The following PAK1 variants were observed in gnomAD, a reference collection of about 807,000 sequenced individuals.
PAK1 encodes p21 (RAC1) activated kinase 1.
In PAK1, 29 loss-of-function variants were observed where a neutral mutation model predicts 67.4. The ratio of observed to expected loss-of-function variants is 0.43; its 90% confidence interval spans 0.32 to 0.59. PAK1 has a LOEUF of 0.59. Among genes scored for constraint, PAK1 ranks in the 20% least tolerant of loss-of-function variants. The probability of loss-of-function intolerance (pLI) is 0.07; values close to 1 mark genes in which losing one functional copy is unlikely to be tolerated. For synonymous variants in PAK1, 223 were observed against 237.4 expected, an observed-to-expected ratio of 0.94 and a Z score of 0.56; for missense variants, 337 against 670.7, an observed-to-expected ratio of 0.50 and a Z score of 5.50.
At chr11:77,446,567 G>C (rs11237187) in intron 1 of PAK1, among the ~76,000 whole-genome samples, 1 of 143,490 alleles carries the variant, frequency 7.0e-6, no homozygotes, top group Non-Finnish European at 1.5e-5. Flanking sequence ...ATAGTTAATA[G>C]ATGATGGAGC....
chr11:77,359,420 C>T (rs1946476765), intron 5 of PAK1, among the ~76,000 whole-genome samples: 1 of 152,152 alleles, frequency 6.6e-6, no homozygotes, highest in African/African-American at 2.4e-5. Flanking sequence ...TCTAATTTTT[C>T]AAAATTCATC....
chr11:77,507,846 A>C, the PAK1 span, among the ~76,000 whole-genome samples: 6 of 152,072 alleles, frequency 3.9e-5, no homozygotes, highest in Non-Finnish European at 5.9e-5. Context: ...CCTTTTACCA[A>C]ACTTTTTTTA....
chr11:77,458,355 T>C (rs889173764), intron 1 of PAK1, among the ~76,000 whole-genome samples: 2 of 152,200 alleles, frequency 1.3e-5, no homozygotes, highest in African/African-American at 4.8e-5. Flanking sequence ...ATTCAAGAGC[T>C]TCATCAATTT....
intron 5 of PAK1, among the ~76,000 whole-genome samples, chr11:77,372,655 T>C (rs902214619): frequency 6.6e-6 from 1 of 152,184 alleles, no homozygotes; most frequent in African/African-American, 2.4e-5. Context: ...GTCAAACTCC[T>C]ACATGATCTG....
At chr11:77,406,281 T>G (rs1953551860) in intron 1 of PAK1, among the ~76,000 whole-genome samples, 1 of 152,214 alleles carries the variant, frequency 6.6e-6, no homozygotes. Flanking sequence ...CCACCTGCGT[T>G]TCTCATCAGT....
At chr11:77,510,536 C>T in the PAK1 span, among the ~76,000 whole-genome samples, 2 of 152,046 alleles carry the variant, frequency 1.3e-5, no homozygotes, top group African/African-American at 4.8e-5. Context: ...CCGCACCTGG[C>T]CAGCTGTTTA....
chr11:77,457,072 G>A (rs113173770), intron 1 of PAK1, among the ~76,000 whole-genome samples: 4,868 of 152,188 alleles, frequency 0.032, 132 homozygotes, highest in African/African-American at 0.074. Flanking sequence ...ACCATTTCAC[G>A]TATAAGGAAA....
the PAK1 span, chr11:77,515,085 A>G: frequency 8.5e-5 from 13 of 152,214 alleles, no homozygotes; most frequent in African/African-American, 2.7e-4. Flanking sequence ...TTTAGAGAAA[A>G]GTCTTTCCAA....
At chr11:77,368,769 G>A (rs957530720) in intron 5 of PAK1, among the ~76,000 whole-genome samples, 1 of 152,074 alleles carries the variant, frequency 6.6e-6, no homozygotes, top group Admixed American at 6.6e-5. Flanking sequence ...TGATTCTTTT[G>A]CCTCGGCCTC....
chr11:77,434,131 T>C (rs893796849), intron 1 of PAK1, among the ~76,000 whole-genome samples: 1 of 152,128 alleles, frequency 6.6e-6, no homozygotes, highest in Non-Finnish European at 1.5e-5. Context: ...GCAATTCTAC[T>C]CCTAAATATA....
At chr11:77,528,052 T>C in the PAK1 span, among the ~76,000 whole-genome samples, 1 of 152,122 alleles carries the variant, frequency 6.6e-6, no homozygotes, top group African/African-American at 2.4e-5. Flanking sequence ...AATCTCACTA[T>C]TCTGCTTAGG....
At chr11:77,482,020 G>T in the PAK1 span, among the ~76,000 whole-genome samples, 3 of 151,432 alleles carry the variant, frequency 2.0e-5, no homozygotes, top group Admixed American at 2.0e-4. Flanking sequence ...ATGGAGTCTC[G>T]CTCTGTTGCC....
At chr11:77,478,945 C>T (rs1409657895), upstream of PAK1, among the ~76,000 whole-genome samples, 2 of 150,106 alleles carry the variant, frequency 1.3e-5, no homozygotes, top group African/African-American at 2.4e-5. Flanking sequence ...ATTAGCTGGG[C>T]GTGGTGGCAG....
intron 5 of PAK1, among the ~76,000 whole-genome samples, chr11:77,365,633 G>A (rs1297894370): frequency 1.3e-5 from 2 of 152,046 alleles, no homozygotes; most frequent in African/African-American, 4.8e-5. Context: ...AGGAGTTTGG[G>A]ACCAGCCTGG....
chr11:77,381,166 TGTGTGTGTGTAG>T (rs1160475066), intron 2 of PAK1, among the ~76,000 whole-genome samples: 2 of 139,494 alleles, frequency 1.4e-5, no homozygotes, highest in East Asian at 3.9e-4. Context: ...TGTGTGTGTG[TGTGTGTGTGTAG>T]AGAGAGAGAG....
At chr11:77,334,046 G>A (rs1942222009) in intron 13 of PAK1, among the ~76,000 whole-genome samples, 1 of 151,848 alleles carries the variant, frequency 6.6e-6, no homozygotes, top group Admixed American at 6.6e-5. Context: ...GCAGGTGCCT[G>A]TAATCCCAGC....
At chr11:77,426,532 T>C (rs1955553748) in intron 1 of PAK1, among the ~76,000 whole-genome samples, 2 of 152,254 alleles carry the variant, frequency 1.3e-5, no homozygotes, top group Non-Finnish European at 1.5e-5. Context: ...CTAGTAAATA[T>C]CAAGTTCATC....
the PAK1 span, among the ~76,000 whole-genome samples, chr11:77,500,802 C>A: frequency 6.6e-6 from 1 of 152,122 alleles, no homozygotes; most frequent in African/African-American, 2.4e-5. Context: ...TGTGTTCACA[C>A]CACTGCACTC....
intron 10 of PAK1, among the ~76,000 whole-genome samples, chr11:77,342,305 A>G (rs191961293): frequency 2.6e-5 from 4 of 152,302 alleles, no homozygotes; most frequent in Admixed American, 2.6e-4. Context: ...TCCAGAGTAA[A>G]AGTCTCTGGG....
Sources: gnomAD v4.1 joint callset for allele counts (sites outside exome capture counted in the v4.1 genomes callset) on GRCh38, gnomAD v4.1.1 for gene constraint, MANE v1.5 for transcripts, NCBI Gene and HGNC (gene_info 2026-07-23, HGNC 2026-07-21) for gene names.